The following NOX4 variants were observed in gnomAD, a reference collection of about 807,000 sequenced individuals.
The protein encoded by NOX4 is NADPH oxidase 4.
A neutral mutation model predicts 87.6 loss-of-function variants in NOX4; 69 were observed. That is an observed-to-expected ratio of 0.79 (90% CI 0.65 to 0.96). The LOEUF is 0.96. Among genes scored for constraint, NOX4 ranks in the 40% least tolerant of loss-of-function variants. NOX4 has a pLI of 0.00. For synonymous variants in NOX4, 275 were observed against 238.2 expected, an observed-to-expected ratio of 1.15 and a Z score of -1.42; for missense variants, 680 against 681.5, an observed-to-expected ratio of 1.00 and a Z score of 0.02.
intron 11 of NOX4, among the ~76,000 whole-genome samples, chr11:89,384,106 T>C (rs1940507782): frequency 6.6e-6 from 1 of 152,142 alleles, no homozygotes; most frequent in Non-Finnish European, 1.5e-5. Flanking sequence ...GTCTTACAAG[T>C]TAGTTCAGGA....
chr11:89,577,053 A>G, the NOX4 span: 2 of 152,048 alleles, frequency 1.3e-5, no homozygotes, highest in African/African-American at 4.8e-5. Flanking sequence ...AAATCCTTTT[A>G]CCTGTTAAGG....
At chr11:89,394,469 T>C (rs1941339227) in intron 11 of NOX4, among the ~76,000 whole-genome samples, 1 of 152,108 alleles carries the variant, frequency 6.6e-6, no homozygotes, top group South Asian at 2.1e-4. Flanking sequence ...AAAATAAAGT[T>C]GCCAACACAA....
chr11:89,372,877 T>C lies in NOX4; in HGVS notation c.1135+555A>G, dbSNP rs181487381. ...TATTAATATAAGAGAGAATAATGTT[T>C]CTTTTATTTACTCAAAGCTCTTACT... On this transcript the variant is annotated intron_variant, in intron 12 of 17. Transcript: ENST00000263317. Among the ~76,000 whole-genome samples the C allele has an allele frequency of 3.9e-4, 59 of 152,120 alleles. 1 individual carries two copies. The highest frequency in any genetic ancestry group is 6.8e-3 in the Middle Eastern group (2 of 294).
rs140248034 is a variant in NOX4 at position 89,326,839 on chromosome 11, G to T, written c.1654C>A (p.Leu552Ile). 1.5e-5 allele frequency: 24 copies of T among 1,613,000 alleles called. No homozygotes were observed. Among genetic ancestry groups the T allele is most frequent in the Non-Finnish European group, 2.0e-5 (24 of 1,179,326 alleles). The change falls in exon 18 of 18, where the codon CTA becomes ATA. Residue 552 changes from leucine (L) to isoleucine (I), a missense_variant. By Grantham distance (5) the Leu-to-Ile change is conservative. Coordinates refer to ENST00000263317, the MANE Select transcript of NOX4 (RefSeq NM_016931.5). Reference sequence around the variant, plus strand: ...CTCAGTTTATGAAGAGTCTTGGATAGTGAATTGGGTCCACAACAGAAAACA... The same window carrying T: ...CTCAGTTTATGAAGAGTCTTGGATATTGAATTGGGTCCACAACAGAAAACA... ...VGVFCCGPNS[L>I]SKTLHKLSNQ...
At chr11:89,428,041 C>A (rs1449298647) in intron 7 of NOX4, among the ~76,000 whole-genome samples, 2 of 152,172 alleles carry the variant, frequency 1.3e-5, no homozygotes, top group African/African-American at 4.8e-5. Flanking sequence ...CTCTACAAGC[C>A]AGAAGAGAGT....
chr11:89,529,570 T>C, the NOX4 span, among the ~76,000 whole-genome samples: 1 of 152,222 alleles, frequency 6.6e-6, no homozygotes, highest in Non-Finnish European at 1.5e-5. Flanking sequence ...GATGTTTGGA[T>C]AGTTTACTTG....
intron 2 of NOX4, among the ~76,000 whole-genome samples, chr11:89,486,943 C>T (rs984453805): frequency 4.0e-5 from 6 of 151,746 alleles, no homozygotes; most frequent in South Asian, 2.1e-4. Flanking sequence ...GGTTAGTTGG[C>T]CACATATTAT....
intron 11 of NOX4, among the ~76,000 whole-genome samples, chr11:89,396,576 C>G (rs1172002839): frequency 6.6e-6 from 1 of 152,024 alleles, no homozygotes; most frequent in African/African-American, 2.4e-5. Flanking sequence ...GGAAACCCAT[C>G]TCACGTGCAG....
At chr11:89,478,691 CAAGTCT>C (rs1204979761) in intron 2 of NOX4, among the ~76,000 whole-genome samples, 5 of 152,196 alleles carry the variant, frequency 3.3e-5, no homozygotes, top group Admixed American at 6.5e-5. Flanking sequence ...AAACCCAGTA[CAAGTCT>C]AAGACCAATT....
chr11:89,409,815 T>C (rs1367180470), intron 8 of NOX4, among the ~76,000 whole-genome samples: 1 of 152,092 alleles, frequency 6.6e-6, no homozygotes, highest in Non-Finnish European at 1.5e-5. Flanking sequence ...ATGTAAATAT[T>C]ATGGAGGAGA....
chr11:89,500,386 G>C (rs2135511158), upstream of NOX4, among the ~76,000 whole-genome samples: 1 of 152,160 alleles, frequency 6.6e-6, no homozygotes, highest in East Asian at 1.9e-4. Flanking sequence ...GCAATTATTT[G>C]TCAACCAAAT....
At chr11:89,546,039 C>A in the NOX4 span, among the ~76,000 whole-genome samples, 3 of 152,134 alleles carry the variant, frequency 2.0e-5, no homozygotes, top group Admixed American at 6.6e-5. Flanking sequence ...TTAAAAATTT[C>A]TCTGCATTTT....
chr11:89,550,980 C>T, the NOX4 span, among the ~76,000 whole-genome samples: 1 of 152,064 alleles, frequency 6.6e-6, no homozygotes, highest in Non-Finnish European at 1.5e-5. Context: ...AAGAAGGGCT[C>T]CAGTTTCAGT....
chr11:89,331,266 T>TA (rs1295142890), intron 17 of NOX4, among the ~76,000 whole-genome samples: 2 of 151,690 alleles, frequency 1.3e-5, no homozygotes, highest in African/African-American at 4.8e-5. Context: ...ACATAAAAAA[T>TA]AAAAAATATT....
At chr11:89,361,124 A>T (rs1938490372) in intron 12 of NOX4, among the ~76,000 whole-genome samples, 2 of 152,106 alleles carry the variant, frequency 1.3e-5, no homozygotes, top group South Asian at 4.1e-4. Context: ...AAAAGAAGTC[A>T]TTACATGAAA....
chr11:89,364,614 TAATG>T lies in NOX4; in HGVS notation c.1135+8814_1135+8817del, dbSNP rs368896995. Among the ~76,000 whole-genome samples the T allele has an allele frequency of 2.0e-4, 31 of 152,178 alleles. No homozygotes were observed. In the East Asian group the frequency reaches 4.5e-3, roughly 22 times the overall value. The stretch of plus-strand genomic sequence containing the variant: ...GATGAGATGTATGTACAACCAGAGC[TAATG>T]AATGAATAAGAACACTAATAGGAAA... On this transcript the variant is annotated intron_variant, in intron 12 of 17. Transcript: ENST00000263317.
chr11:89,539,279 A>T, the NOX4 span, among the ~76,000 whole-genome samples: 1 of 152,066 alleles, frequency 6.6e-6, no homozygotes, highest in Non-Finnish European at 1.5e-5. Context: ...TAAAAAATAC[A>T]AAATTATCCA....
In NOX4 at chr11:89,491,304, C is replaced by A; in HGVS notation, c.-58G>T. 1.3e-6 allele frequency: 2 copies of A among 1,520,512 alleles called. No individual in the cohort carries two copies. Among genetic ancestry groups the A allele is most frequent in the South Asian group, 1.2e-5 (1 of 84,584 alleles). 94.2% of individuals were successfully genotyped at this position (1,520,512 alleles called of 1,614,324 possible). A position where few individuals can be genotyped will look rare whatever the true frequency, so the allele number is the denominator to read the frequency against. ...CGCCGGACCGAGAAGGAGCGGGCGG[C>A]GGCCGGGGCAGCGGTTACAGTTGTG... On this transcript the variant is annotated 5_prime_UTR_variant, in exon 1 of 18. Transcript: ENST00000263317.
intron 2 of NOX4, among the ~76,000 whole-genome samples, chr11:89,457,667 C>A (rs1340508495): frequency 6.6e-6 from 1 of 152,138 alleles, no homozygotes; most frequent in Non-Finnish European, 1.5e-5. Flanking sequence ...CAAACCACAA[C>A]CAAACTTCCA....
Sources: gnomAD v4.1 joint callset for allele counts (sites outside exome capture counted in the v4.1 genomes callset) on GRCh38, gnomAD v4.1.1 for gene constraint, MANE v1.5 for transcripts, NCBI Gene and HGNC (gene_info 2026-07-23, HGNC 2026-07-21) for gene names.